CMC2: variants seen among roughly 807,000 people sequenced by gnomAD.
CMC2 encodes the protein C-X9-C motif containing 2, also known as COX assembly mitochondrial protein 2 homolog.
Under a neutral mutation model 7.5 loss-of-function variants are expected in CMC2, and 5 were observed. That is an observed-to-expected ratio of 0.66 (90% CI 0.35 to 1.40). The LOEUF (loss-of-function observed/expected upper bound fraction) is 1.40. Ranked by LOEUF, CMC2 falls within the 40% of genes most tolerant of loss-of-function variation. CMC2 has a pLI of 0.04. For synonymous variants in CMC2, 37 were observed against 31.4 expected (o/e 1.18, Z -0.60); for missense variants, 115 against 92.3 (o/e 1.25, Z -1.01).
intron 2 of CMC2, among the ~76,000 whole-genome samples, chr16:80,990,773 C>T (rs1444712269): frequency 2.6e-5 from 4 of 152,072 alleles, no homozygotes; most frequent in Non-Finnish European, 5.9e-5. Context: ...GGCTGGAATG[C>T]AGTGGCACAA....
At chr16:80,998,475 T>A (rs1662705206) in intron 1 of CMC2, 1 of 152,112 alleles carries the variant, frequency 6.6e-6, no homozygotes, top group Non-Finnish European at 1.5e-5. Context: ...TAGCAGTTCC[T>A]CAAAAAATTA....
At chr16:80,977,278 G>A (rs1029247229) in intron 3 of CMC2, among the ~76,000 whole-genome samples, 4 of 152,144 alleles carry the variant, frequency 2.6e-5, no homozygotes, top group Non-Finnish European at 5.9e-5. Flanking sequence ...TACAACAGGA[G>A]ACACAAAGCC....
In CMC2 at chr16:80,990,633, C is replaced by T. The variant is rs772623706; in HGVS notation, c.81+6681G>A. 1.2e-4 allele frequency among the ~76,000 whole-genome samples: 19 copies of T among 152,300 alleles called. No individual in the cohort carries two copies. The East Asian group carries it at 1.9e-3, about 15-fold the overall frequency. ...ATCTTCTCCTCCTTTTTTATACAAA[C>T]GCTAGGATACTATAAATACTGTTTT... On this transcript the variant is annotated intron_variant, in intron 2 of 3. Coordinates refer to ENST00000219400, the MANE Select transcript of CMC2 (RefSeq NM_020188.5).
At chr16:80,999,637 A>T (rs1353426295) in intron 1 of CMC2, among the ~76,000 whole-genome samples, 1 of 152,206 alleles carries the variant, frequency 6.6e-6, no homozygotes, top group Non-Finnish European at 1.5e-5. Context: ...AACAAAAACC[A>T]AACGTATCAC....
intron 2 of CMC2, among the ~76,000 whole-genome samples, chr16:80,989,458 C>G (rs1412197094): frequency 6.6e-6 from 1 of 152,150 alleles, no homozygotes; most frequent in African/African-American, 2.4e-5. Context: ...TTCAAGCTAG[C>G]CCCTGTCCTT....
At chr16:80,994,093 G>C (rs1040620748) in intron 2 of CMC2, among the ~76,000 whole-genome samples, 2 of 152,128 alleles carry the variant, frequency 1.3e-5, no homozygotes, top group Non-Finnish European at 2.9e-5. Flanking sequence ...TAAATCAGCA[G>C]GGATAGAACA....
intron 2 of CMC2, among the ~76,000 whole-genome samples, chr16:80,992,705 C>CTTT (rs71390989): frequency 0.28 from 25,514 of 90,126 alleles, 3,043 homozygotes; most frequent in East Asian, 0.41. Flanking sequence ...ATTCCCCCTC[C>CTTT]TTTTTTTTTT....
chr16:80,971,562 T>TATATATATATA lies in CMC2; in HGVS notation c.*4530_*4531insTATATATATAT, dbSNP rs1555512297. ...GGCTATGGATACTGACATACATACA[T>TATATATATATA]TTTATATATATATATATATATATGT... On this transcript the variant is annotated 3_prime_UTR_variant, in exon 4 of 4. Coordinates refer to ENST00000219400, the MANE Select transcript of CMC2 (RefSeq NM_020188.5). 1,245 of 75,578 alleles carry TATATATATATA rather than the reference T, an allele frequency of 0.016. 17 individuals carry two copies. The highest frequency in any genetic ancestry group is 0.019 in the Admixed American group (161 of 8,470). 4.7% of individuals were successfully genotyped at this position (75,578 alleles called of 1,614,324 possible).
intron 1 of CMC2, among the ~76,000 whole-genome samples, chr16:81,002,154 G>A (rs1390297479): frequency 6.6e-6 from 1 of 152,164 alleles, no homozygotes; most frequent in Non-Finnish European, 1.5e-5. Flanking sequence ...GCCAGATGCG[G>A]TGGCTCACAC....
chr16:80,988,159 G>C (rs746044097), intron 2 of CMC2, among the ~76,000 whole-genome samples: 33 of 152,148 alleles, frequency 2.2e-4, no homozygotes, highest in Non-Finnish European at 4.3e-4. Flanking sequence ...ACTCGAGCCT[G>C]GGTGACAGAG....
chr16:81,002,533 A>C (rs1287410632), intron 1 of CMC2, among the ~76,000 whole-genome samples: 1 of 152,206 alleles, frequency 6.6e-6, no homozygotes, highest in Non-Finnish European at 1.5e-5. Flanking sequence ...ATCAACCGGC[A>C]CTCAAATGTG....
intron 2 of CMC2, among the ~76,000 whole-genome samples, chr16:80,985,824 C>G (rs1333007672): frequency 7.0e-6 from 1 of 143,442 alleles, no homozygotes; most frequent in Non-Finnish European, 1.5e-5. Flanking sequence ...GTAAGTGGAG[C>G]CAGGAGGAAT....
intron 1 of CMC2, among the ~76,000 whole-genome samples, chr16:81,002,426 A>G (rs575902607): frequency 6.6e-6 from 1 of 152,204 alleles, no homozygotes; most frequent in Non-Finnish European, 1.5e-5. Flanking sequence ...CTCCATCTCA[A>G]AAACAACAAT....
chr16:80,975,560 G>C lies in CMC2; in HGVS notation c.*533C>G, dbSNP rs1912221991. On this transcript the variant is annotated 3_prime_UTR_variant, in exon 4 of 4. Coordinates refer to ENST00000219400, the MANE Select transcript of CMC2 (RefSeq NM_020188.5). Reference sequence around the variant, plus strand: ...ATCCGGGAGGTGGAGGTTACAGTAAGCTGAGATCGCACCACTGCACTCCAG... The same window carrying C: ...ATCCGGGAGGTGGAGGTTACAGTAACCTGAGATCGCACCACTGCACTCCAG... 2 of 152,312 alleles carry C rather than the reference G, an allele frequency of 1.3e-5. No individual in the cohort carries two copies. Among genetic ancestry groups the C allele is most frequent in the African/African-American group, 4.8e-5 (2 of 41,450 alleles). 9.4% of individuals were successfully genotyped at this position (152,312 alleles called of 1,614,324 possible). A position where few individuals can be genotyped will look rare whatever the true frequency, so the allele number is the denominator to read the frequency against.
At chr16:80,978,462 C>G (rs1966868588) in intron 3 of CMC2, 1 of 997,464 alleles carries the variant, frequency 1.0e-6, no homozygotes, top group African/African-American at 1.8e-5. Flanking sequence ...ACTCACAAAA[C>G]TCAATCAAAC....
intron 1 of CMC2, among the ~76,000 whole-genome samples, chr16:81,003,911 G>A (rs1969042570): frequency 1.3e-5 from 2 of 152,194 alleles, no homozygotes; most frequent in South Asian, 4.1e-4. Context: ...ATATCTCAGT[G>A]ATGGCATGGG....
rs1397463609 is a variant in CMC2, at chr16:80,970,496, C to G, written c.*5597G>C. On this transcript the variant is annotated 3_prime_UTR_variant, in exon 4 of 4. Coordinates refer to ENST00000219400, the MANE Select transcript of CMC2 (RefSeq NM_020188.5). The stretch of plus-strand genomic sequence containing the variant: ...CTTCCAAAAACCTACTACAAATTTG[C>G]TACTTGTCAGTGAAATGTAAGGATT... 6.6e-6 allele frequency: 1 copy of G among 152,160 alleles called. No individual in the cohort carries two copies. The highest frequency in any genetic ancestry group is 2.4e-5 in the African/African-American group (1 of 41,442). The allele number at this position is 152,160 out of a possible 1,614,324, so 9.4% of individuals were successfully genotyped here.
intron 2 of CMC2, among the ~76,000 whole-genome samples, chr16:80,995,124 T>C (rs1207718155): frequency 2.0e-5 from 3 of 152,064 alleles, no homozygotes; most frequent in Admixed American, 1.3e-4. Context: ...CCAGCCTGGG[T>C]GACAGAGCGA....
chr16:80,993,491 C>CT (rs1160914813), intron 2 of CMC2, among the ~76,000 whole-genome samples: 2 of 152,218 alleles, frequency 1.3e-5, no homozygotes, highest in Admixed American at 6.5e-5. Context: ...GAGTCACTGA[C>CT]TGAGTATTCA....
Sources: allele counts gnomAD v4.1 joint callset (sites outside exome capture counted in the v4.1 genomes callset), GRCh38; gene constraint gnomAD v4.1.1; transcripts MANE v1.5; gene names NCBI Gene and HGNC (gene_info 2026-07-23, HGNC 2026-07-21).